MYO16: variants seen among roughly 807,000 people sequenced by gnomAD.
The protein encoded by MYO16 is unconventional myosin-XVI.
Under a neutral mutation model 205.3 loss-of-function variants are expected in MYO16, and 94 were observed. The observed-to-expected ratio is 0.46, with a 90% CI of 0.39 to 0.54. The LOEUF (loss-of-function observed/expected upper bound fraction) is 0.54. MYO16 is among the 20% of genes least tolerant of loss of function. The pLI, the probability that MYO16 is intolerant of heterozygous loss-of-function variation, is 0.00. For synonymous variants in MYO16, 988 were observed against 954.0 expected, an observed-to-expected ratio of 1.04 and a Z score of -0.66; for missense variants, 2,315 against 2,387.5, an observed-to-expected ratio of 0.97 and a Z score of 0.63.
At chr13:109,115,553 G>A (rs528300467) in intron 28 of MYO16, among the ~76,000 whole-genome samples, 19 of 152,088 alleles carry the variant, frequency 1.2e-4, no homozygotes, top group Non-Finnish European at 2.5e-4. Context: ...AACATTCTTT[G>A]ATGTGAGAAT....
At chr13:108,869,895 T>C (rs1878962008) in intron 12 of MYO16, among the ~76,000 whole-genome samples, 1 of 151,582 alleles carries the variant, frequency 6.6e-6, no homozygotes, top group Non-Finnish European at 1.5e-5. Flanking sequence ...TTTTCTTTCT[T>C]TCTTTAAAAT....
the MYO16 span, among the ~76,000 whole-genome samples, chr13:108,532,494 T>A: frequency 6.6e-6 from 1 of 151,410 alleles, no homozygotes; most frequent in African/African-American, 2.4e-5. Flanking sequence ...GAGAAATGAA[T>A]GTTTTTAAAA....
At chr13:108,776,430 C>T (rs905604002) in intron 4 of MYO16, among the ~76,000 whole-genome samples, 12 of 152,192 alleles carry the variant, frequency 7.9e-5, no homozygotes, top group Non-Finnish European at 1.8e-4. Flanking sequence ...TCAGTTCACA[C>T]CTCCTTGGTA....
chr13:108,866,083 T>C, intron 11 of MYO16, 94 bp from the exon 12 acceptor site: 1 of 783,112 alleles, frequency 1.3e-6, no homozygotes, highest in Non-Finnish European at 1.9e-6. Flanking sequence ...TTATTATTTA[T>C]ATTTCATACA....
the MYO16 span, among the ~76,000 whole-genome samples, chr13:108,584,402 T>C: frequency 6.6e-6 from 1 of 152,264 alleles, no homozygotes; most frequent in African/African-American, 2.4e-5. Flanking sequence ...GATGTTTTGA[T>C]ACATGCATGC....
chr13:108,935,283 T>A (rs1882428851), intron 16 of MYO16, among the ~76,000 whole-genome samples: 1 of 152,222 alleles, frequency 6.6e-6, no homozygotes, highest in Non-Finnish European at 1.5e-5. Context: ...GTTTGTGTCA[T>A]CTGTAATTCC....
intron 29 of MYO16, among the ~76,000 whole-genome samples, chr13:109,122,042 C>T (rs1876015847): frequency 6.6e-6 from 1 of 152,214 alleles, no homozygotes; most frequent in South Asian, 2.1e-4. Context: ...TGCCCCAACC[C>T]ATGTGTCCCT....
At chr13:109,116,257 C>G (rs1875675938) in intron 28 of MYO16, among the ~76,000 whole-genome samples, 1 of 152,154 alleles carries the variant, frequency 6.6e-6, no homozygotes, top group Admixed American at 6.6e-5. Context: ...CCAACCTCCA[C>G]CGAGTGAATC....
chr13:108,844,173 ATT>A (rs1877390340), intron 9 of MYO16, among the ~76,000 whole-genome samples, 168 bp from the exon 10 acceptor site: 1 of 152,136 alleles, frequency 6.6e-6, no homozygotes, highest in Admixed American at 6.6e-5. Context: ...TTTGGAATTA[ATT>A]TTTTAAAAGT....
At chr13:108,581,279 C>T in the MYO16 span, among the ~76,000 whole-genome samples, 1 of 152,066 alleles carries the variant, frequency 6.6e-6, no homozygotes, top group Non-Finnish European at 1.5e-5. Flanking sequence ...AGAACCATAT[C>T]CTGGTAATGT....
chr13:108,542,819 C>G, the MYO16 span, among the ~76,000 whole-genome samples: 28 of 151,926 alleles, frequency 1.8e-4, no homozygotes, highest in South Asian at 1.9e-3. Flanking sequence ...GAAAGCCCAT[C>G]TGCATTTTAT....
At chr13:109,023,128 T>C (rs1417721206) in intron 23 of MYO16, among the ~76,000 whole-genome samples, 2 of 131,660 alleles carry the variant, frequency 1.5e-5, no homozygotes, top group Non-Finnish European at 3.1e-5. Context: ...TAACAATATA[T>C]AAATTTATGT....
intron 4 of MYO16, among the ~76,000 whole-genome samples, chr13:108,752,859 A>G (rs1023609031): frequency 1.5e-5 from 2 of 134,924 alleles, no homozygotes; most frequent in African/African-American, 2.7e-5. Flanking sequence ...GGTCTCTACT[A>G]AAAAACCATG....
intron 4 of MYO16, among the ~76,000 whole-genome samples, chr13:108,728,361 T>C (rs1466822673): frequency 1.3e-5 from 2 of 152,178 alleles, no homozygotes; most frequent in Non-Finnish European, 1.5e-5. Flanking sequence ...AGCTAAGAAC[T>C]CAAGTTCATT....
chr13:108,585,103 G>A, the MYO16 span, among the ~76,000 whole-genome samples: 4 of 152,076 alleles, frequency 2.6e-5, no homozygotes, highest in African/African-American at 2.4e-5. Flanking sequence ...TTTTGTTGAC[G>A]AAAGAGTCAA....
chr13:108,601,814 G>A (rs1014210138), intron 1 of MYO16, among the ~76,000 whole-genome samples: 10 of 152,094 alleles, frequency 6.6e-5, no homozygotes, highest in Admixed American at 6.6e-4. Context: ...TCCTGAGGCA[G>A]TTCACCAAGA....
intron 7 of MYO16, among the ~76,000 whole-genome samples, chr13:108,816,245 TA>T (rs1875594044): frequency 6.6e-6 from 1 of 152,110 alleles, no homozygotes. Flanking sequence ...ATATTGTACT[TA>T]AAAGAAAATA....
In MYO16 at chr13:109,134,587, CTCTG is replaced by C. The variant is rs774711758; in HGVS notation, c.4052-5671_4052-5668del. Among the ~76,000 whole-genome samples, 7 of 152,324 alleles carry C rather than the reference CTCTG, an allele frequency of 4.6e-5. No homozygotes were observed. In the East Asian group the frequency reaches 7.7e-4, roughly 17 times the overall value. On this transcript the variant is annotated intron_variant, in intron 31 of 34. Coordinates refer to ENST00000457511, the MANE Select transcript of MYO16 (RefSeq NM_001198950.3). ...GGACTGTGACTCCTTGGGTGTCTCT[CTCTG>C]TCTGTGTGGTCTCTCTGCATTGCCT...
chr13:108,594,974 T>C (rs908179831), upstream of MYO16, among the ~76,000 whole-genome samples: 3 of 152,204 alleles, frequency 2.0e-5, no homozygotes, highest in African/African-American at 7.2e-5. Flanking sequence ...GGATAACTTT[T>C]GCTGAAGGGT....
Sources: gnomAD v4.1 joint callset for allele counts (sites outside exome capture counted in the v4.1 genomes callset) on GRCh38, gnomAD v4.1.1 for gene constraint, MANE v1.5 for transcripts, NCBI Gene and HGNC (gene_info 2026-07-23, HGNC 2026-07-21) for gene names.